The following NLRC5 variants were observed in gnomAD, a reference collection of about 807,000 sequenced individuals.
NLRC5 encodes the protein protein NLRC5.
NLRC5 carries 114 observed loss-of-function variants against 206.9 expected under a neutral mutation model. The observed-to-expected ratio is 0.55, with a 90% CI of 0.47 to 0.64. The LOEUF (loss-of-function observed/expected upper bound fraction) is 0.64. Among genes scored for constraint, NLRC5 ranks in the 30% least tolerant of loss-of-function variants. The pLI, the probability that NLRC5 is intolerant of heterozygous loss-of-function variation, is 0.00. For missense variants in NLRC5, 2,008 were observed against 2,305.5 expected, an observed-to-expected ratio of 0.87 and a Z score of 2.64; for synonymous variants, 952 against 962.8, an observed-to-expected ratio of 0.99 and a Z score of 0.21.
intron 28 of NLRC5, chr16:57,058,536 T>A: frequency 3.1e-6 from 1 of 321,926 alleles, no homozygotes; most frequent in Non-Finnish European, 5.9e-6. Flanking sequence ...AACATAAATG[T>A]GGAGATGTCC....
At chr16:57,074,730 C>A in intron 39 of NLRC5, 47 bp downstream of exon 39, 1 of 1,562,634 alleles carries the variant, frequency 6.4e-7, no homozygotes, top group Non-Finnish European at 8.8e-7. Context: ...AGAAACACTT[C>A]CCACTCAGTT....
chr16:57,014,253 C>T (rs1185503945), intron 1 of NLRC5, among the ~76,000 whole-genome samples: 1 of 152,152 alleles, frequency 6.6e-6, no homozygotes, highest in Non-Finnish European at 1.5e-5. Context: ...CTTTCAATAT[C>T]ATGGATTAAA....
chr16:57,067,456 G>A lies in NLRC5; in HGVS notation c.4392G>A (p.Arg1464=). Residue 1464 remains arginine, a synonymous_variant, in exon 35 of 49, where the codon AGG becomes AGA. Transcript: ENST00000688547. ...LVGQLMETCA[R]LQQLSLSQVN... ...GGCAGCTGATGGAGACATGTGCCAG[G>A]CTGCAGCAGCTCAGGTCAGCGCCTG... 1 of 1,614,208 alleles carries A rather than the reference G, an allele frequency of 6.2e-7. No individual in the cohort carries two copies. Among genetic ancestry groups the A allele is most frequent in the East Asian group, 2.2e-5 (1 of 44,876 alleles).
intron 1 of NLRC5, among the ~76,000 whole-genome samples, chr16:57,005,835 A>G (rs1190113086): frequency 1.3e-5 from 2 of 151,972 alleles, no homozygotes; most frequent in Non-Finnish European, 2.9e-5. Flanking sequence ...TCGGGGAATC[A>G]TATAAGCCCA....
At chr16:57,074,566 A>AGAT (rs1403529004) in intron 38 of NLRC5, 34 bp from the exon 39 acceptor site, 1 of 1,602,468 alleles carries the variant, frequency 6.2e-7, no homozygotes, top group African/African-American at 1.3e-5. Flanking sequence ...CCCCACCCCC[A>AGAT]GATGTCAAGT....
intron 46 of NLRC5, among the ~76,000 whole-genome samples, chr16:57,080,357 G>T (rs142051486): frequency 1.4e-3 from 209 of 152,114 alleles, no homozygotes; most frequent in African/African-American, 4.9e-3. Context: ...CTTAGGAAGG[G>T]CATATGTTCC....
At chr16:57,061,360 C>G (rs2066454244) in intron 30 of NLRC5, 88 bp from the exon 31 acceptor site, 2 of 1,327,264 alleles carry the variant, frequency 1.5e-6, no homozygotes, top group South Asian at 1.3e-5. Flanking sequence ...GGATGCTCCC[C>G]CAATAGGCCC....
intron 10 of NLRC5, among the ~76,000 whole-genome samples, chr16:57,031,171 G>C (rs2061840886): frequency 6.6e-6 from 1 of 151,800 alleles, no homozygotes; most frequent in Non-Finnish European, 1.5e-5. Flanking sequence ...TGTGAAAATT[G>C]TTTTTCTGAC....
At chr16:57,028,773 C>T (rs1454828447) in intron 8 of NLRC5, among the ~76,000 whole-genome samples, 1 of 152,218 alleles carries the variant, frequency 6.6e-6, no homozygotes, top group African/African-American at 2.4e-5. Context: ...CAGAAGTACA[C>T]AGGCATATGC....
In NLRC5 at chr16:57,073,930, C is replaced by T. The variant is rs575144251; in HGVS notation, c.4668-670C>T. Among the ~76,000 whole-genome samples the T allele has an allele frequency of 3.3e-5, 5 of 152,368 alleles. No individual in the cohort carries two copies. The South Asian group carries it at 1.0e-3, about 32-fold the overall frequency. ...TTAATGTGTGAACTCGTGCCAGTCCCTCAGCCTCTCTGTTCTTTGGCCTCC... is the reference window on the plus strand; with the variant it reads ...TTAATGTGTGAACTCGTGCCAGTCCTTCAGCCTCTCTGTTCTTTGGCCTCC... On this transcript the variant is annotated intron_variant, in intron 38 of 48. Transcript: ENST00000688547.
chr16:57,025,533 G>C lies in NLRC5; in HGVS notation c.590G>C (p.Gly197Ala). 6.2e-7 allele frequency: 1 copy of C among 1,613,618 alleles called. No homozygotes were observed. Among genetic ancestry groups the C allele is most frequent in the Non-Finnish European group, 8.5e-7 (1 of 1,179,672 alleles). ...SLDTPEGAIMGDVKVEDGADV... is the reference protein window; with the variant it reads ...SLDTPEGAIMADVKVEDGADV... ...GACACTCCGGAGGGGGCCATTATGG[G>C]GGACGTCAAGGTGGAAGATGGTGCT... Residue 197 changes from glycine to alanine, a missense_variant, in exon 6 of 49, where the codon GGG (glycine) becomes GCG (alanine). Physicochemically the swap from Gly to Ala is moderately conservative, Grantham distance 60 (BLOSUM62 0). Transcript: ENST00000688547.
intron 36 of NLRC5, 43 bp downstream of exon 36, chr16:57,067,871 C>A: frequency 6.8e-7 from 1 of 1,474,416 alleles, no homozygotes; most frequent in Non-Finnish European, 9.5e-7. Flanking sequence ...TGCAGCTCTG[C>A]CCTGCCCTGA....
intron 32 of NLRC5, 198 bp downstream of exon 32, chr16:57,061,899 A>G (rs1287454258): frequency 3.7e-5 from 56 of 1,533,344 alleles, no homozygotes; most frequent in Non-Finnish European, 4.7e-5. Flanking sequence ...CCTTCCCCAC[A>G]CTGGAGGCCT....
At chr16:57,009,745 T>C (rs1442558203) in intron 1 of NLRC5, among the ~76,000 whole-genome samples, 3 of 152,178 alleles carry the variant, frequency 2.0e-5, no homozygotes, top group African/African-American at 7.2e-5. Context: ...AGGATAAATT[T>C]AAAGTGATCA....
At chr16:57,011,895 T>C (rs1167721014) in intron 1 of NLRC5, among the ~76,000 whole-genome samples, 1 of 152,224 alleles carries the variant, frequency 6.6e-6, no homozygotes. Context: ...AACAACTTCA[T>C]TGAGGTGTAA....
intron 16 of NLRC5, 36 bp from the exon 17 acceptor site, chr16:57,040,614 C>T (rs757009241): frequency 6.2e-7 from 1 of 1,601,498 alleles, no homozygotes; most frequent in Non-Finnish European, 8.6e-7. Flanking sequence ...GCGGACATGG[C>T]CTTTGCTCAG....
rs2063532588 is a variant in NLRC5 at position 57,043,435 on chromosome 16, C to T, written c.3114-80C>T. 5 of 1,087,494 alleles carry T rather than the reference C, an allele frequency of 4.6e-6. No homozygotes were observed. In the South Asian group the frequency reaches 6.2e-5, roughly 13 times the overall value. The allele number at this position is 1,087,494 out of a possible 1,614,324, so 67.4% of individuals were successfully genotyped here. On this transcript the variant is annotated intron_variant, in intron 19 of 48. Transcript: ENST00000688547. Reference sequence around the variant, plus strand: ...CGTCATCTGGAACCAGGGATCCCTCCCCCGCCCTGTGCCCTGACCACAAAG... The same window carrying T: ...CGTCATCTGGAACCAGGGATCCCTCTCCCGCCCTGTGCCCTGACCACAAAG...
intron 46 of NLRC5, 156 bp from the exon 47 acceptor site, chr16:57,080,942 T>C (rs1358515162): frequency 5.0e-6 from 3 of 601,090 alleles, no homozygotes; most frequent in Admixed American, 2.9e-5. Context: ...CACCCTGACG[T>C]CTTCAGGGGA....
At position 57,070,612 on chromosome 16, in the gene NLRC5, G is replaced by C. The variant is rs185424244; in HGVS notation, c.4661G>C (p.Arg1554Thr). 6.2e-7 allele frequency: 1 copy of C among 1,614,030 alleles called. No homozygotes were observed. Among genetic ancestry groups the C allele is most frequent in the African/African-American group, 1.3e-5 (1 of 75,060 alleles). ...CTTGAGGGGAAATGGATGCTAAAGA[G>C]GCTGGAGTAAGTAGTGATGGTGGTT... ...RALEGKWMLK[R>T]LDLSHLLLNS... is the part of the protein sequence containing the mutation. Residue 1554 changes from arginine to threonine, a missense_variant, in exon 38 of 49, where the codon AGG becomes ACG. By Grantham distance (71) the Arg-to-Thr change is moderately conservative. Coordinates refer to ENST00000688547, the MANE Select transcript of NLRC5 (RefSeq NM_001384950.1).
Sources: gnomAD v4.1 joint callset for allele counts (sites outside exome capture counted in the v4.1 genomes callset) on GRCh38, gnomAD v4.1.1 for gene constraint, MANE v1.5 for transcripts, NCBI Gene and HGNC (gene_info 2026-07-23, HGNC 2026-07-21) for gene names.